EDA: variants seen among roughly 807,000 people sequenced by gnomAD.
EDA encodes ectodysplasin A.
EDA carries 2 observed loss-of-function variants against 23.6 expected under a neutral mutation model. That is an observed-to-expected ratio of 0.08 (90% CI 0.03 to 0.27). The LOEUF (loss-of-function observed/expected upper bound fraction) is 0.27, where lower values mean the gene tolerates loss of function less well. Among genes scored for constraint, EDA ranks in the 10% least tolerant of loss-of-function variants. EDA has a pLI of 1.00. For missense variants in EDA, 229 were observed against 324.2 expected, an observed-to-expected ratio of 0.71 and a Z score of 2.26; for synonymous variants, 131 against 132.0, an observed-to-expected ratio of 0.99 and a Z score of 0.05.
At chrX:69,989,939 T>TC (rs199842889) in intron 2 of EDA, among the ~76,000 whole-genome samples, 2,223 of 102,311 alleles carry the variant, frequency 0.022, 75 homozygotes, top group African/African-American at 0.079. Flanking sequence ...AGGCTTTCTT[T>TC]TTTTTTTTTT....
chrX:70,005,281 C>T (rs146354557), intron 2 of EDA, among the ~76,000 whole-genome samples: 125 of 111,851 alleles, frequency 1.1e-3, no homozygotes, highest in African/African-American at 4.0e-3. Context: ...AAACTATTAT[C>T]GTTAATACTT....
chrX:69,785,566 T>C (rs1268880871), intron 1 of EDA, among the ~76,000 whole-genome samples: 2 of 111,061 alleles, frequency 1.8e-5, no homozygotes, highest in East Asian at 5.6e-4. Flanking sequence ...GGTTTTTGTC[T>C]TTGGTTCTGT....
chrX:69,632,785 A>G (rs1379870738), intron 1 of EDA, among the ~76,000 whole-genome samples: 1 of 111,924 alleles, frequency 8.9e-6, no homozygotes, highest in Non-Finnish European at 1.9e-5. Flanking sequence ...CATAGAGGAA[A>G]TGTGTTCCTT....
chrX:69,756,759 G>C (rs1217411968), intron 1 of EDA: 1 of 111,663 alleles, frequency 9.0e-6, no homozygotes, highest in Non-Finnish European at 1.9e-5. Flanking sequence ...TCGTTGCGCT[G>C]ACTGCAATGG....
At chrX:69,730,253 G>T (rs1046159973) in intron 1 of EDA, among the ~76,000 whole-genome samples, 2 of 111,895 alleles carry the variant, frequency 1.8e-5, no homozygotes, top group Non-Finnish European at 1.9e-5. Flanking sequence ...ATCCACAGAA[G>T]TGCTCAGTGT....
At chrX:69,947,406 A>G (rs984240245) in intron 1 of EDA, among the ~76,000 whole-genome samples, 1 of 112,440 alleles carries the variant, frequency 8.9e-6, no homozygotes, top group African/African-American at 3.2e-5. Context: ...CCTTTGCTCA[A>G]AAAGTTCAAA....
At chrX:69,665,442 C>G (rs1028870581) in intron 1 of EDA, among the ~76,000 whole-genome samples, 13 of 111,655 alleles carry the variant, frequency 1.2e-4, no homozygotes, top group Non-Finnish European at 2.4e-4. Flanking sequence ...TTTATAATCT[C>G]TGGTCTTACA....
In EDA at chrX:69,888,978, T is replaced by TATATATATATATATATATA. The variant is rs1556026049; in HGVS notation, c.397-68049_397-68048insATATATATATATATATATA. 4.7e-3 allele frequency among the ~76,000 whole-genome samples: 75 copies of TATATATATATATATATATA among 16,011 alleles called. 4 individuals carry two copies. Among genetic ancestry groups the TATATATATATATATATATA allele is most frequent in the Non-Finnish European group, 5.0e-3 (48 of 9,676 alleles). The allele number at this position is 16,011 out of a possible 115,157, so 13.9% of individuals were successfully genotyped here. A position where few individuals can be genotyped will look rare whatever the true frequency, so the allele number is the denominator to read the frequency against. On this transcript the variant is annotated intron_variant, in intron 1 of 7. Coordinates refer to ENST00000374552, the MANE Select transcript of EDA (RefSeq NM_001399.5). ...GTGGAATTGTTGTATTGTGGGGTAG[T>TATATATATATATATATATA]TATATATATATATATATATATATAT...
intron 2 of EDA, among the ~76,000 whole-genome samples, chrX:69,977,577 T>C (rs2019335480): frequency 8.9e-6 from 1 of 112,519 alleles, no homozygotes; most frequent in African/African-American, 3.2e-5. Context: ...TAAGTTCACA[T>C]AACAGTAAAC....
chrX:69,932,920 A>G (rs1405332395), intron 1 of EDA, among the ~76,000 whole-genome samples: 1 of 109,040 alleles, frequency 9.2e-6, no homozygotes, highest in Non-Finnish European at 1.9e-5. Context: ...TTTAGTTATG[A>G]TGCTTTTTAG....
chrX:69,854,451 C>T (rs763334423), intron 1 of EDA, among the ~76,000 whole-genome samples: 3 of 111,856 alleles, frequency 2.7e-5, no homozygotes, highest in African/African-American at 9.7e-5. Context: ...ATCTCAGCCT[C>T]CCAAAGTGCT....
At chrX:69,815,956 G>T (rs943191228) in intron 1 of EDA, among the ~76,000 whole-genome samples, 1 of 111,595 alleles carries the variant, frequency 9.0e-6, no homozygotes, top group African/African-American at 3.3e-5. Flanking sequence ...ACAGCAAGAG[G>T]TCAGTAGCCC....
intron 1 of EDA, among the ~76,000 whole-genome samples, chrX:69,801,769 A>T (rs1317077005): frequency 8.9e-6 from 1 of 111,864 alleles, no homozygotes; most frequent in Non-Finnish European, 1.9e-5. Context: ...TCTTACTAGT[A>T]ATCTGGAAAA....
intron 1 of EDA, among the ~76,000 whole-genome samples, chrX:69,754,340 G>A (rs183541595): frequency 5.0e-4 from 56 of 111,562 alleles, no homozygotes; most frequent in African/African-American, 1.8e-3. Context: ...GTTTGGCTGG[G>A]TATGAAATTC....
At chrX:69,712,781 A>T (rs147368563) in intron 1 of EDA, among the ~76,000 whole-genome samples, 1 of 111,001 alleles carries the variant, frequency 9.0e-6, no homozygotes, top group Non-Finnish European at 1.9e-5. Context: ...TTGCGGCACT[A>T]TTCACAATAG....
chrX:69,762,625 T>A (rs2014344623), intron 1 of EDA, among the ~76,000 whole-genome samples: 2 of 111,447 alleles, frequency 1.8e-5, no homozygotes, highest in Non-Finnish European at 1.9e-5. Context: ...AGAAGCAGTG[T>A]TTTTTTTACA....
At chrX:69,848,285 G>C (rs986603582) in intron 1 of EDA, among the ~76,000 whole-genome samples, 10 of 111,021 alleles carry the variant, frequency 9.0e-5, no homozygotes, top group African/African-American at 3.3e-4. Flanking sequence ...ATAGGCATTG[G>C]TCTATAGTAC....
rs1308980255 is a variant in EDA, at chrX:69,763,115, T to C, written c.396+146411T>C. 1.8e-5 allele frequency among the ~76,000 whole-genome samples: 2 copies of C among 112,216 alleles called. 1 individual carries two copies. Among genetic ancestry groups the C allele is most frequent in the Non-Finnish European group, 3.8e-5 (2 of 53,257 alleles). ...GATTGGATATAAGATTTTACAAAGATAATTGGGAGAAAACAACTTCCTATG... is the reference window on the plus strand; with the variant it reads ...GATTGGATATAAGATTTTACAAAGACAATTGGGAGAAAACAACTTCCTATG... On this transcript the variant is annotated intron_variant, in intron 1 of 7. Transcript: ENST00000374552.
chrX:69,933,611 A>C (rs2018631164), intron 1 of EDA, among the ~76,000 whole-genome samples: 1 of 110,501 alleles, frequency 9.0e-6, no homozygotes, highest in African/African-American at 3.3e-5. Context: ...CGGGAGGCAG[A>C]GGTTGCAGTG....
Sources: gnomAD v4.1 joint callset for allele counts (sites outside exome capture counted in the v4.1 genomes callset) on GRCh38, gnomAD v4.1.1 for gene constraint, MANE v1.5 for transcripts, NCBI Gene and HGNC (gene_info 2026-07-23, HGNC 2026-07-21) for gene names.